Variants in EDC3 observed in about 807,000 individuals in gnomAD.
EDC3 encodes enhancer of mRNA decapping 3, also known as enhancer of mRNA-decapping protein 3.
A neutral mutation model predicts 41.8 loss-of-function variants in EDC3; 20 were observed. The observed-to-expected ratio is 0.48, with a 90% CI of 0.34 to 0.70. The LOEUF (loss-of-function observed/expected upper bound fraction) is 0.70, where lower values mean the gene tolerates loss of function less well. Among genes scored for constraint, EDC3 ranks in the 30% least tolerant of loss-of-function variants. The pLI is 0.01. For missense variants in EDC3, 444 were observed against 636.8 expected, an observed-to-expected ratio of 0.70 and a Z score of 3.26; for synonymous variants, 206 against 243.2, an observed-to-expected ratio of 0.85 and a Z score of 1.42.
intron 5 of EDC3, chr15:74,635,838 G>T: frequency 5.2e-6 from 3 of 582,458 alleles, no homozygotes; most frequent in Non-Finnish European, 9.2e-6. Context: ...CATCATTGCT[G>T]GGTCCTCCCA....
chr15:74,669,240 G>A (rs987116902), intron 3 of EDC3, among the ~76,000 whole-genome samples: 1 of 152,012 alleles, frequency 6.6e-6, no homozygotes, highest in African/African-American at 2.4e-5. Flanking sequence ...CTACTCGGGA[G>A]GCTGAGGCAG....
intron 4 of EDC3, chr15:74,642,374 T>C (rs1250266620): frequency 6.6e-6 from 1 of 152,224 alleles, no homozygotes; most frequent in East Asian, 1.9e-4. Flanking sequence ...CAGTCATTGG[T>C]ATCTCAGGTG....
At position 74,669,411 on chromosome 15, in the gene EDC3, C is replaced by T. The variant is rs548085093; in HGVS notation, c.484+2044G>A. Among the ~76,000 whole-genome samples, 4 of 150,434 alleles carry T rather than the reference C, an allele frequency of 2.7e-5. No homozygotes were observed. In the East Asian group the frequency reaches 7.8e-4, roughly 29 times the overall value. On this transcript the variant is annotated intron_variant, in intron 3 of 6. Coordinates refer to ENST00000315127, the MANE Select transcript of EDC3 (RefSeq NM_025083.5). ...CCTGTAGTACCAGCTTCTAGGGAGGCTGAGGCAGGAGAATCACCTGAACAT... is the reference window on the plus strand; with the variant it reads ...CCTGTAGTACCAGCTTCTAGGGAGGTTGAGGCAGGAGAATCACCTGAACAT...
chr15:74,681,222 C>G (rs376042024), intron 1 of EDC3, among the ~76,000 whole-genome samples: 5 of 152,168 alleles, frequency 3.3e-5, no homozygotes, highest in African/African-American at 1.2e-4. Flanking sequence ...GGCGCAATCT[C>G]GGCTCACTGC....
At chr15:74,652,411 G>T (rs1424015100) in intron 4 of EDC3, among the ~76,000 whole-genome samples, 3 of 151,642 alleles carry the variant, frequency 2.0e-5, no homozygotes, top group Non-Finnish European at 4.4e-5. Context: ...TGTATTTTTA[G>T]TAGAGACGGG....
chr15:74,644,920 AATGTACTCCCTGATGTG>A (rs1338468652), intron 4 of EDC3: 2 of 152,120 alleles, frequency 1.3e-5, no homozygotes, highest in African/African-American at 4.8e-5. Flanking sequence ...AAGGGGATAC[AATGTACTCCCTGATGTG>A]ACGTACTCCC....
intron 3 of EDC3, among the ~76,000 whole-genome samples, chr15:74,666,193 G>A (rs1232441525): frequency 6.6e-6 from 1 of 152,104 alleles, no homozygotes; most frequent in African/African-American, 2.4e-5. Flanking sequence ...TTTACTTACA[G>A]GGCTCAATGA....
At chr15:74,646,892 T>C (rs374363287) in intron 4 of EDC3, among the ~76,000 whole-genome samples, 146 of 152,156 alleles carry the variant, frequency 9.6e-4, no homozygotes, top group African/African-American at 3.4e-3. Flanking sequence ...GGAGAGACTC[T>C]GGGGCCAGAA....
chr15:74,662,724 T>G (rs2062634730), intron 3 of EDC3, among the ~76,000 whole-genome samples: 1 of 152,132 alleles, frequency 6.6e-6, no homozygotes, highest in African/African-American at 2.4e-5. Context: ...AGTTGATCAG[T>G]GAAGGAGAAG....
At chr15:74,673,854 A>T (rs925884447) in intron 2 of EDC3, among the ~76,000 whole-genome samples, 8 of 151,838 alleles carry the variant, frequency 5.3e-5, no homozygotes, top group Admixed American at 5.2e-4. Flanking sequence ...AAAAAAAAAA[A>T]AAAGATTTGA....
chr15:74,674,525 T>C (rs1158715614), intron 2 of EDC3, among the ~76,000 whole-genome samples: 1 of 152,138 alleles, frequency 6.6e-6, no homozygotes, highest in Non-Finnish European at 1.5e-5. Context: ...AAAAAGATAA[T>C]GGTAGGGTAC....
At chr15:74,654,322 G>A (rs917999975) in intron 4 of EDC3, among the ~76,000 whole-genome samples, 14 of 151,728 alleles carry the variant, frequency 9.2e-5, no homozygotes, top group African/African-American at 3.4e-4. Context: ...TAAACCAACA[G>A]CCTCAGCAGC....
intron 3 of EDC3, 27 bp from the exon 4 acceptor site, chr15:74,656,095 A>G (rs1441563201): frequency 1.9e-6 from 3 of 1,588,330 alleles, no homozygotes; most frequent in Non-Finnish European, 1.7e-6. Flanking sequence ...GACTAAAGTC[A>G]GTGTATCCAC....
chr15:74,635,360 CT>C, intron 6 of EDC3, 48 bp downstream of exon 6: 1 of 1,573,158 alleles, frequency 6.4e-7, no homozygotes. Flanking sequence ...GACCATCAAA[CT>C]GCTAAGGAGG....
At chr15:74,690,867 C>G (rs143656894) in intron 1 of EDC3, among the ~76,000 whole-genome samples, 1 of 151,990 alleles carries the variant, frequency 6.6e-6, no homozygotes, top group Non-Finnish European at 1.5e-5. Flanking sequence ...AAAGGCAGCA[C>G]GGTGAAAAGA....
At chr15:74,659,959 C>T (rs751482025) in intron 3 of EDC3, among the ~76,000 whole-genome samples, 1 of 151,694 alleles carries the variant, frequency 6.6e-6, no homozygotes, top group Admixed American at 6.6e-5. Context: ...GCAGGAGAAT[C>T]GCTTGAACCC....
At chr15:74,672,132 A>T (rs2062746362) in intron 2 of EDC3, among the ~76,000 whole-genome samples, 1 of 151,550 alleles carries the variant, frequency 6.6e-6, no homozygotes, top group African/African-American at 2.4e-5. Context: ...AGCCGGGCAT[A>T]GTGGCGGGCA....
intron 1 of EDC3, among the ~76,000 whole-genome samples, chr15:74,679,543 CAAT>C (rs1223132102): frequency 5.9e-5 from 9 of 151,938 alleles, no homozygotes; most frequent in African/African-American, 1.7e-4. Context: ...GACCTGACAA[CAAT>C]AAGACAAAAA....
rs1451071137 is a variant in EDC3 at position 74,695,982 on chromosome 15, C to G, written c.-121G>C. 1.3e-5 allele frequency: 2 copies of G among 152,704 alleles called. No individual in the cohort carries two copies. The highest frequency in any genetic ancestry group is 2.9e-5 in the Non-Finnish European group (2 of 68,426). The allele number at this position is 152,704 out of a possible 1,614,324, so 9.5% of individuals were successfully genotyped here. On this transcript the variant is annotated 5_prime_UTR_variant, in exon 1 of 7. The change abolishes an upstream ATG in the 5' untranslated region. Coordinates refer to ENST00000315127, the MANE Select transcript of EDC3 (RefSeq NM_025083.5). The stretch of plus-strand genomic sequence containing the variant: ...ATTCTCTCCACGCCCACCCCCACAG[C>G]ATCGGCCTTCACCACCGCCGCCGCT...
Sources: gnomAD v4.1 joint callset for allele counts (sites outside exome capture counted in the v4.1 genomes callset) on GRCh38, gnomAD v4.1.1 for gene constraint, MANE v1.5 for transcripts, NCBI Gene and HGNC (gene_info 2026-07-23, HGNC 2026-07-21) for gene names.